Variants in BSN observed in about 807,000 individuals in gnomAD.
The protein encoded by BSN is bassoon presynaptic cytomatrix protein.
Under a neutral mutation model 264.8 loss-of-function variants are expected in BSN, and 57 were observed. The observed-to-expected ratio is 0.22, with a 90% CI of 0.17 to 0.27. The LOEUF is 0.27. Among genes scored for constraint, BSN ranks in the 10% least tolerant of loss-of-function variants. The pLI, the probability that BSN is intolerant of heterozygous loss-of-function variation, is 1.00. For missense variants in BSN, 4,615 were observed against 5,232.5 expected (o/e 0.88, Z 3.64); for synonymous variants, 2,059 against 2,137.3 (o/e 0.96, Z 1.01).
chr3:49,637,257 G>A (rs771473316), intron 2 of BSN, among the ~76,000 whole-genome samples: 2 of 152,174 alleles, frequency 1.3e-5, no homozygotes, highest in African/African-American at 4.8e-5. Context: ...GGGGTGAGAG[G>A]AGGCGAGTGG....
In BSN at chr3:49,668,591, T is replaced by C. The variant is rs2052729744; in HGVS notation, c.*1106T>C. On this transcript the variant is annotated 3_prime_UTR_variant, in exon 12 of 12. Coordinates refer to ENST00000296452, the MANE Select transcript of BSN (RefSeq NM_003458.4). ...CCAAGAGCACAACCCCAGGGCGAGG[T>C]CTGGGGAGGCCTCCCAGCCCGCCTC... The C allele has an allele frequency of 6.6e-6, 1 of 150,902 alleles. No homozygotes were observed. Among genetic ancestry groups the C allele is most frequent in the Admixed American group, 6.6e-5 (1 of 15,160 alleles). The allele number at this position is 150,902 out of a possible 1,614,324, so 9.3% of individuals were successfully genotyped here.
chr3:49,657,442 G>A lies in BSN; in HGVS notation c.7886G>A (p.Arg2629His), dbSNP rs2052617601. Reference protein sequence around the residue: ...SAEWEQPVRRRRSRLPRHSDS... With the variant: ...SAEWEQPVRRHRSRLPRHSDS... ...GAGTGGGAGCAGCCAGTGCGCCGCC[G>A]CAGGTCTCGTCTTCCCCGCCACTCA... is the stretch of plus-strand genomic sequence containing the variant. The change falls in exon 5 of 12, where the codon CGC becomes CAC. Residue 2629 changes from arginine to histidine, a missense_variant. By Grantham distance (29) the Arg-to-His change is conservative. Around this residue, in one of 3 missense-constraint regions of BSN, gnomAD observed 3,415 missense variants for 3,866.4 expected, o/e 0.88. Transcript: ENST00000296452. 9 of 1,612,722 alleles carry A rather than the reference G, an allele frequency of 5.6e-6. No individual in the cohort carries two copies. The highest frequency in any genetic ancestry group is 7.6e-6 in the Non-Finnish European group (9 of 1,179,866).
chr3:49,657,777 A>G lies in BSN; in HGVS notation c.8221A>G (p.Ser2741Gly). The G allele has an allele frequency of 6.4e-7, 1 of 1,559,250 alleles. No homozygotes were observed. The highest frequency in any genetic ancestry group is 8.7e-7 in the Non-Finnish European group (1 of 1,150,856). The change falls in exon 5 of 12, where the codon AGC (serine) becomes GGC (glycine). Residue 2741 changes from serine (S) to glycine (G), a missense_variant. Physicochemically the swap from Ser to Gly is moderately conservative, Grantham distance 56 (BLOSUM62 0). This residue lies in a region of BSN where 3,415 missense variants were observed against 3,866.4 expected (regional missense o/e 0.88). Coordinates refer to ENST00000296452, the MANE Select transcript of BSN (RefSeq NM_003458.4). ...GCAGCTTGTAGGGCCAACTGCCATCAGCCCCTACCTGCCTGGCATCCAGAT... is the reference window on the plus strand; with the variant it reads ...GCAGCTTGTAGGGCCAACTGCCATCGGCCCCTACCTGCCTGGCATCCAGAT... ...GPQLVGPTAISPYLPGIQIVT... is the reference protein window; with the variant it reads ...GPQLVGPTAIGPYLPGIQIVT...
intron 5 of BSN, among the ~76,000 whole-genome samples, chr3:49,659,001 G>A (rs2052632885): frequency 6.6e-6 from 1 of 152,206 alleles, no homozygotes; most frequent in Non-Finnish European, 1.5e-5. Context: ...AGGCATGTGA[G>A]ATGGGACAAA....
At chr3:49,598,677 G>A (rs2052044898) in intron 1 of BSN, among the ~76,000 whole-genome samples, 2 of 152,094 alleles carry the variant, frequency 1.3e-5, no homozygotes. Flanking sequence ...AAACTGCTGG[G>A]ATTACAGGCA....
At chr3:49,560,352 A>G (rs189779062) in intron 1 of BSN, among the ~76,000 whole-genome samples, 2 of 152,210 alleles carry the variant, frequency 1.3e-5, no homozygotes, top group African/African-American at 4.8e-5. Context: ...CAACACTGTA[A>G]TAGCAGTTAT....
intron 1 of BSN, among the ~76,000 whole-genome samples, chr3:49,620,724 C>T (rs1446089525): frequency 6.6e-6 from 1 of 152,190 alleles, no homozygotes; most frequent in Admixed American, 6.5e-5. Context: ...CTTGGTGGCT[C>T]ATGCCTGTAA....
intron 1 of BSN, among the ~76,000 whole-genome samples, chr3:49,610,599 A>AC (rs1353236949): frequency 3.3e-5 from 5 of 151,064 alleles, no homozygotes; most frequent in Non-Finnish European, 5.9e-5. Context: ...AAAAAAAAAA[A>AC]AAAAAAACAA....
intron 1 of BSN, among the ~76,000 whole-genome samples, chr3:49,611,667 C>A (rs1251418672): frequency 6.6e-6 from 1 of 152,218 alleles, no homozygotes; most frequent in Non-Finnish European, 1.5e-5. Flanking sequence ...CATGGAGATA[C>A]CTGGTTGGCC....
Position 49,654,894 on chromosome 3 carries a change from G to A in BSN, c.5338G>A (p.Ala1780Thr), listed in dbSNP as rs1272561049. ...CLAQVKQVEQAVQTAPYRSGP... is the reference protein window; with the variant it reads ...CLAQVKQVEQTVQTAPYRSGP... ...GGCCCAGGTCAAACAAGTAGAGCAG[G>A]CTGTCCAGACAGCCCCATACCGAAG... is the stretch of plus-strand genomic sequence containing the variant. The change falls in exon 5 of 12, where the codon GCT (alanine) becomes ACT (threonine). Residue 1780 changes from alanine (A) to threonine (T), a missense_variant. Physicochemically the swap from Ala to Thr is moderately conservative, Grantham distance 58. Coordinates refer to ENST00000296452, the MANE Select transcript of BSN (RefSeq NM_003458.4). This position sits in a 1 kb window ranked among gnomAD's most constrained non-coding sequence, Gnocchi z 4.1. 1 of 1,613,372 alleles carries A rather than the reference G, an allele frequency of 6.2e-7. No individual in the cohort carries two copies. The highest frequency in any genetic ancestry group is 8.5e-7 in the Non-Finnish European group (1 of 1,179,886).
intron 1 of BSN, among the ~76,000 whole-genome samples, chr3:49,562,950 G>T (rs997141425): frequency 2.0e-5 from 3 of 152,284 alleles, no homozygotes; most frequent in Admixed American, 6.5e-5. Context: ...TAAAATGAGA[G>T]ATTTAACTAG....
rs937320644 is a variant in BSN at position 49,671,250 on chromosome 3, C to T, written c.*3765C>T. On this transcript the variant is annotated 3_prime_UTR_variant, in exon 12 of 12. Transcript: ENST00000296452. This position sits in a 1 kb window ranked among gnomAD's most constrained non-coding sequence, Gnocchi z 4.1. Reference sequence around the variant, plus strand: ...GTGCACTACCCTGGAGAGTGGTGGCCACTCAATACCTTTTCCTCTAGCTTT... The same window carrying T: ...GTGCACTACCCTGGAGAGTGGTGGCTACTCAATACCTTTTCCTCTAGCTTT... The T allele has an allele frequency of 6.6e-6, 1 of 152,342 alleles. No homozygotes were observed. Among genetic ancestry groups the T allele is most frequent in the African/African-American group, 2.4e-5 (1 of 41,402 alleles). 9.4% of individuals were successfully genotyped at this position (152,342 alleles called of 1,614,324 possible).
intron 1 of BSN, among the ~76,000 whole-genome samples, chr3:49,597,084 G>T (rs868083814): frequency 1.3e-5 from 2 of 152,098 alleles, no homozygotes; most frequent in Non-Finnish European, 2.9e-5. Context: ...GAACTTTTCA[G>T]ACATGATTTC....
At position 49,655,523 on chromosome 3, in the gene BSN, G is replaced by A; in HGVS notation, c.5967G>A (p.Leu1989=). The A allele has an allele frequency of 6.2e-7, 1 of 1,610,388 alleles. No individual in the cohort carries two copies. The highest frequency in any genetic ancestry group is 2.2e-5 in the East Asian group (1 of 44,796). Residue 1989 remains leucine (L), a synonymous_variant, in exon 5 of 12, where the codon TTG becomes TTA. Coordinates refer to ENST00000296452, the MANE Select transcript of BSN (RefSeq NM_003458.4). ...RLYSSMSDTN[L]AEAGLNYHAQ... is the part of the protein sequence containing the mutation. ...ACTCCTCCATGTCTGACACCAATTT[G>A]GCTGAGGCTGGCCTCAACTACCATG... is the stretch of plus-strand genomic sequence containing the variant.
chr3:49,572,572 C>T (rs866763647), intron 1 of BSN, among the ~76,000 whole-genome samples: 3 of 152,158 alleles, frequency 2.0e-5, no homozygotes, highest in Admixed American at 6.6e-5. Context: ...CTTGCTCTGT[C>T]GCCCAGGCTG....
intron 1 of BSN, among the ~76,000 whole-genome samples, chr3:49,618,521 T>A (rs1249628554): frequency 6.6e-6 from 1 of 152,222 alleles, no homozygotes; most frequent in Non-Finnish European, 1.5e-5. Flanking sequence ...CTGTGCTCAT[T>A]TTAGCTTTTA....
At chr3:49,634,447 C>T (rs1025710612) in intron 2 of BSN, among the ~76,000 whole-genome samples, 2 of 152,160 alleles carry the variant, frequency 1.3e-5, no homozygotes, top group Non-Finnish European at 2.9e-5. Context: ...GATGGAGTCT[C>T]GCTTTGTCGC....
rs758058928 is a variant in BSN, at chr3:49,656,284, G to A, written c.6728G>A (p.Arg2243His). ...GCCGTGCCACTCACCAGTCTGACAC[G>A]TGTGCCCATGATTGCCCCCCGGGTA... Reference protein sequence around the residue: ...ITAVPLTSLTRVPMIAPRVPL... With the variant: ...ITAVPLTSLTHVPMIAPRVPL... Residue 2243 changes from arginine (R) to histidine (H), a missense_variant, in exon 5 of 12, where the codon CGT (arginine) becomes CAT (histidine). Physicochemically the swap from Arg to His is conservative, Grantham distance 29. Coordinates refer to ENST00000296452, the MANE Select transcript of BSN (RefSeq NM_003458.4). 6.8e-6 allele frequency: 11 copies of A among 1,613,164 alleles called. No homozygotes were observed. The highest frequency in any genetic ancestry group is 6.7e-5 in the Admixed American group (4 of 60,000).
At chr3:49,614,283 T>A (rs996654839) in intron 1 of BSN, among the ~76,000 whole-genome samples, 1 of 151,970 alleles carries the variant, frequency 6.6e-6, no homozygotes, top group Non-Finnish European at 1.5e-5. Flanking sequence ...ATGGTCTTGA[T>A]CTCCTGACCT....
Sources: gnomAD v4.1 joint callset for allele counts (sites outside exome capture counted in the v4.1 genomes callset) on GRCh38, gnomAD v4.1.1 for gene constraint, gnomAD v4.1.1 regional missense constraint, Gnocchi (gnomAD v3.1) non-coding constraint, MANE v1.5 for transcripts, NCBI Gene and HGNC (gene_info 2026-07-23, HGNC 2026-07-21) for gene names.